The following SRCAP variants were observed in gnomAD, a reference collection of about 807,000 sequenced individuals.
SRCAP encodes chromatin remodeling protein SRCAP.
Under a neutral mutation model 263.1 loss-of-function variants are expected in SRCAP, and 46 were observed. The observed-to-expected ratio is 0.17, with a 90% CI of 0.14 to 0.22. The LOEUF (loss-of-function observed/expected upper bound fraction) is 0.22, where lower values mean the gene tolerates loss of function less well. Ranked by LOEUF, SRCAP falls within the 10% of genes least tolerant of loss-of-function variation. The pLI, the probability that SRCAP is intolerant of heterozygous loss-of-function variation, is 1.00. For synonymous variants in SRCAP, 1,813 were observed against 1,662.1 expected, an observed-to-expected ratio of 1.09 and a Z score of -2.21; for missense variants, 3,695 against 4,181.9, an observed-to-expected ratio of 0.88 and a Z score of 3.21.
At position 30,724,949 on chromosome 16, in the gene SRCAP, C is replaced by A; in HGVS notation, c.5525C>A (p.Pro1842His). The A allele has an allele frequency of 6.2e-7, 1 of 1,614,212 alleles. No individual in the cohort carries two copies. Reference protein sequence around the residue: ...PLPVTMVSRLPVSKDEPDTLT... With the variant: ...PLPVTMVSRLHVSKDEPDTLT... ...CCTGTCACCATGGTATCCCGGCTGC[C>A]TGTTTCCAAGGATGAGCCTGACACA... is the stretch of plus-strand genomic sequence containing the variant. The change falls in exon 25 of 34, where the codon CCT (proline) becomes CAT (histidine). Residue 1842 changes from proline (P) to histidine (H), a missense_variant. Physicochemically the swap from Pro to His is moderately conservative, Grantham distance 77. This residue lies in a region of SRCAP where 1,347 missense variants were observed against 1,304.4 expected (regional missense o/e 1.03). Transcript: ENST00000262518.
In SRCAP at chr16:30,737,403, C is replaced by G. The variant is rs2053171247; in HGVS notation, c.7363C>G (p.Pro2455Ala). 2.5e-6 allele frequency: 4 copies of G among 1,609,750 alleles called. No homozygotes were observed. Among genetic ancestry groups the G allele is most frequent in the Non-Finnish European group, 3.4e-6 (4 of 1,178,292 alleles). ...TCCAGCTTCAGCTCCGGCTGCAATT[C>G]CTGCCCTTGTTCCTGTCCCAGTTTC... ...PTPASAPAAI[P>A]ALVPVPVSAP... Residue 2455 changes from proline to alanine, a missense_variant, in exon 34 of 34, where the codon CCT (proline) becomes GCT (alanine). Pro to Ala is a conservative substitution (Grantham distance 27). This residue lies in a region of SRCAP where 1,207 missense variants were observed against 1,142.9 expected (regional missense o/e 1.06). Transcript: ENST00000262518.
At chr16:30,734,341 AAAAAG>A in intron 30 of SRCAP, 150 bp from the exon 31 acceptor site, 1 of 1,211,750 alleles carries the variant, frequency 8.3e-7, no homozygotes, top group African/African-American at 1.5e-5. Context: ...AACCGTCTCA[AAAAAG>A]AAAAAACAAA....
In SRCAP at chr16:30,716,283, C is replaced by G. The variant is rs368319398; in HGVS notation, c.2631-10C>G. The G allele has an allele frequency of 4.1e-5, 66 of 1,613,424 alleles. No homozygotes were observed. The highest frequency in any genetic ancestry group is 5.5e-5 in the Non-Finnish European group (65 of 1,179,562). Reference sequence around the variant, plus strand: ...TTAGGACGTCTCATTTATTTTTCCTCTTTCCCCAGAACTAAGGAGACACTA... The same window carrying G: ...TTAGGACGTCTCATTTATTTTTCCTGTTTCCCCAGAACTAAGGAGACACTA... On this transcript the variant is annotated splice_polypyrimidine_tract_variant and intron_variant, in intron 17 of 33. Transcript: ENST00000262518.
intron 1 of SRCAP, among the ~76,000 whole-genome samples, chr16:30,699,485 C>G (rs898975315): frequency 6.6e-6 from 1 of 152,098 alleles, no homozygotes; most frequent in Non-Finnish European, 1.5e-5. Flanking sequence ...GGATATACAG[C>G]GCCCTGCCCT....
intron 10 of SRCAP, 78 bp downstream of exon 10, chr16:30,711,166 A>G (rs2052887200): frequency 2.7e-6 from 3 of 1,129,820 alleles, no homozygotes; most frequent in Non-Finnish European, 3.9e-6. Context: ...GAGATGAATA[A>G]GGCACTTTGT....
rs1307876298 is a variant in SRCAP at position 30,724,747 on chromosome 16, T to C, written c.5323T>C (p.Ser1775Pro). 6.2e-7 allele frequency: 1 copy of C among 1,613,898 alleles called. No homozygotes were observed. The highest frequency in any genetic ancestry group is 1.1e-5 in the South Asian group (1 of 91,064). ...AHTLTLAPASSSASLLAPASV... is the reference protein window; with the variant it reads ...AHTLTLAPASPSASLLAPASV... ...CACGCTGACTTTGGCTCCAGCATCG[T>C]CATCTGCTTCACTCCTGGCCCCAGC... The change falls in exon 25 of 34, where the codon TCA becomes CCA. Residue 1775 changes from serine to proline, a missense_variant. Physicochemically the swap from Ser to Pro is moderately conservative, Grantham distance 74. Around this residue, in one of 12 missense-constraint regions of SRCAP, gnomAD observed 1,347 missense variants for 1,304.4 expected, o/e 1.03. Coordinates refer to ENST00000262518, the MANE Select transcript of SRCAP (RefSeq NM_006662.3).
Position 30,729,011 on chromosome 16 carries a change from G to C in SRCAP, c.5704G>C (p.Glu1902Gln), listed in dbSNP as rs1019525148. ...GAAGCGGCAGCGGTCTGAACGCCTG[G>C]AACGGATTTTCCAACTTAGTGAGGC... ...KRKRQRSERL[E>Q]RIFQLSEAHG... The change falls in exon 26 of 34, where the codon GAA becomes CAA. Residue 1902 changes from glutamate (E) to glutamine (Q), a missense_variant. By Grantham distance (29) the Glu-to-Gln change is conservative. Around this residue, in one of 12 missense-constraint regions of SRCAP, gnomAD observed 1,347 missense variants for 1,304.4 expected, o/e 1.03. Coordinates refer to ENST00000262518, the MANE Select transcript of SRCAP (RefSeq NM_006662.3). The C allele has an allele frequency of 5.6e-6, 9 of 1,614,014 alleles. No homozygotes were observed. The highest frequency in any genetic ancestry group is 2.7e-5 in the African/African-American group (2 of 74,902).
intron 18 of SRCAP, 81 bp from the exon 19 acceptor site, chr16:30,720,081 A>T (rs2052995394): frequency 6.7e-7 from 1 of 1,482,764 alleles, no homozygotes; most frequent in Non-Finnish European, 9.2e-7. Context: ...TCACTTAAGG[A>T]TAATGGCCTC....
intron 16 of SRCAP, among the ~76,000 whole-genome samples, chr16:30,714,850 TACTGTCTTTGAGTAG>T (rs1416301761): frequency 2.0e-5 from 3 of 152,140 alleles, no homozygotes; most frequent in Non-Finnish European, 2.9e-5. Flanking sequence ...TTTTTGTCCT[TACTGTCTTTGAGTAG>T]AATGGTACTG....
Position 30,723,695 on chromosome 16 carries a change from C to T in SRCAP, c.4271C>T (p.Ala1424Val), listed in dbSNP as rs1200362062. ...PMPIPNSSPL[A>V]SPVSSTVSVP... is the part of the protein sequence containing the mutation. ...CCAATTCCCAACTCCTCTCCCCTTG[C>T]TAGTCCTGTGTCCTCTACAGTCTCA... The change falls in exon 25 of 34, where the codon GCT (alanine) becomes GTT (valine). Residue 1424 changes from alanine to valine, a missense_variant. Physicochemically the swap from Ala to Val is moderately conservative, Grantham distance 64 (BLOSUM62 0). This residue lies in a region of SRCAP where 1,347 missense variants were observed against 1,304.4 expected (regional missense o/e 1.03). Transcript: ENST00000262518. 6.2e-7 allele frequency: 1 copy of T among 1,614,098 alleles called. No individual in the cohort carries two copies. Among genetic ancestry groups the T allele is most frequent in the Non-Finnish European group, 8.5e-7 (1 of 1,179,996 alleles).
chr16:30,726,910 C>A (rs755045754), intron 25 of SRCAP, among the ~76,000 whole-genome samples: 1 of 152,124 alleles, frequency 6.6e-6, no homozygotes, highest in Admixed American at 6.5e-5. Context: ...CCATGTTGGC[C>A]GGGCTGGTCT....
chr16:30,719,783 G>C (rs1036648331), intron 18 of SRCAP, among the ~76,000 whole-genome samples: 1 of 152,140 alleles, frequency 6.6e-6, no homozygotes, highest in Non-Finnish European at 1.5e-5. Context: ...CAGAGAGCTG[G>C]GATTACAGGT....
Position 30,734,434 on chromosome 16 carries a change from C to G in SRCAP, c.6610-62C>G, listed in dbSNP as rs369595841. ...ACAGTTCCAAGAACCATCAGCCTTA[C>G]AGCTTAGACCTAAGACTAGCATTCT... is the stretch of plus-strand genomic sequence containing the variant. On this transcript the variant is annotated intron_variant, in intron 30 of 33. Coordinates refer to ENST00000262518, the MANE Select transcript of SRCAP (RefSeq NM_006662.3). The G allele has an allele frequency of 8.1e-4, 1,300 of 1,603,170 alleles. 15 individuals are homozygous for G. The highest frequency in any genetic ancestry group is 1.5e-3 in the Middle Eastern group (9 of 6,002).
intron 3 of SRCAP, among the ~76,000 whole-genome samples, chr16:30,701,641 T>C (rs576628912): frequency 6.0e-4 from 82 of 136,914 alleles, no homozygotes; most frequent in South Asian, 1.0e-3. Flanking sequence ...CTTTTCTTTT[T>C]TTTTTTTTTT....
rs775227556 is a variant in SRCAP, at chr16:30,738,419, C to T, written c.8379C>T (p.Val2793=). 8 of 1,553,512 alleles carry T rather than the reference C, an allele frequency of 5.1e-6. No homozygotes were observed. The highest frequency in any genetic ancestry group is 2.5e-5 in the South Asian group (2 of 81,216). The part of the protein sequence containing the change: ...ETSASPGSPS[V]RSMSGPESSP... Reference sequence around the variant, plus strand: ...GTGCCAGCCCGGGAAGCCCGTCTGTCCGCAGCATGTCAGGGCCAGAATCCT... The same window carrying T: ...GTGCCAGCCCGGGAAGCCCGTCTGTTCGCAGCATGTCAGGGCCAGAATCCT... Residue 2793 remains valine, a synonymous_variant, in exon 34 of 34, where the codon GTC becomes GTT. Coordinates refer to ENST00000262518, the MANE Select transcript of SRCAP (RefSeq NM_006662.3).
At chr16:30,732,099 C>T (rs1347929077) in intron 27 of SRCAP, among the ~76,000 whole-genome samples, 2 of 151,876 alleles carry the variant, frequency 1.3e-5, no homozygotes, top group African/African-American at 4.8e-5. Flanking sequence ...GAGCTGAGAT[C>T]GCACCACTGC....
chr16:30,729,156 C>T lies in SRCAP; in HGVS notation c.5849C>T (p.Thr1950Ile). Reference protein sequence around the residue: ...SPGPSHPTFWTYTEAAHRAVL... With the variant: ...SPGPSHPTFWIYTEAAHRAVL... The stretch of plus-strand genomic sequence containing the variant: ...GGCCCCAGCCACCCCACCTTTTGGA[C>T]TTATACCGAGGCTGCCCACCGGGCT... The change falls in exon 26 of 34, where the codon ACT becomes ATT. Residue 1950 changes from threonine (T) to isoleucine (I), a missense_variant. Physicochemically the swap from Thr to Ile is moderately conservative, Grantham distance 89. Transcript: ENST00000262518. 5.0e-6 allele frequency: 8 copies of T among 1,614,004 alleles called. No homozygotes were observed. The highest frequency in any genetic ancestry group is 2.2e-5 in the South Asian group (2 of 91,068).
intron 25 of SRCAP, among the ~76,000 whole-genome samples, chr16:30,726,683 A>C (rs1003221988): frequency 6.7e-6 from 1 of 150,264 alleles, no homozygotes; most frequent in African/African-American, 2.5e-5. Flanking sequence ...ATGCCTACCT[A>C]ATTTTTTTGT....
intron 18 of SRCAP, among the ~76,000 whole-genome samples, chr16:30,719,429 C>A (rs1259027717): frequency 6.6e-6 from 1 of 151,782 alleles, no homozygotes; most frequent in East Asian, 1.9e-4. Context: ...CTTGGCCAGG[C>A]TGGTCTTGAA....
Sources: allele counts gnomAD v4.1 joint callset (sites outside exome capture counted in the v4.1 genomes callset), GRCh38; gene constraint gnomAD v4.1.1; regional missense constraint gnomAD v4.1.1; transcripts MANE v1.5; gene names NCBI Gene and HGNC (gene_info 2026-07-23, HGNC 2026-07-21).